RASSF5: variants seen among roughly 807,000 people sequenced by gnomAD.
The protein encoded by RASSF5 is ras association domain-containing protein 5.
RASSF5 carries 25 observed loss-of-function variants against 40.5 expected under a neutral mutation model. The observed-to-expected ratio is 0.62, with a 90% CI of 0.45 to 0.86. The LOEUF is 0.86. Among genes scored for constraint, RASSF5 ranks in the 40% least tolerant of loss-of-function variants. RASSF5 has a pLI of 0.00. For synonymous variants in RASSF5, 246 were observed against 252.4 expected, an observed-to-expected ratio of 0.97 and a Z score of 0.24; for missense variants, 521 against 572.8, an observed-to-expected ratio of 0.91 and a Z score of 0.92.
chr1:206,565,342 A>G (rs1229708109), intron 2 of RASSF5, among the ~76,000 whole-genome samples: 2 of 152,168 alleles, frequency 1.3e-5, no homozygotes, highest in Non-Finnish European at 2.9e-5. Context: ...CCTGCCTACA[A>G]CTGCCAAGGG....
intron 2 of RASSF5, chr1:206,557,619 G>A (rs1302629121): frequency 1.8e-5 from 29 of 1,614,248 alleles, no homozygotes; most frequent in Non-Finnish European, 2.4e-5. Context: ...CAGCCTGGAC[G>A]AGGAACTGGA....
At position 206,585,201 on chromosome 1, in the gene RASSF5, T is replaced by C; in HGVS notation, c.1010T>C (p.Ile337Thr). The change falls in exon 5 of 6, where the codon ATT becomes ACT. Residue 337 changes from isoleucine (I) to threonine (T), a missense_variant. Around this residue, in one of 2 missense-constraint regions of RASSF5, gnomAD observed 284 missense variants for 360.8 expected, o/e 0.79. Coordinates refer to ENST00000579436, the MANE Select transcript of RASSF5 (RefSeq NM_182663.4). ...DGQVLFQKLS[I>T]ADRPLYLRLL... ...GCAGTGCTCTTCCAGAAACTCTCCA[T>C]TGCTGACCGCCCCCTCTACCTGCGC... 6.2e-7 allele frequency: 1 copy of C among 1,614,072 alleles called. No homozygotes were observed. Among genetic ancestry groups the C allele is most frequent in the Non-Finnish European group, 8.5e-7 (1 of 1,179,954 alleles).
chr1:206,580,422 AGAG>A (rs1668824968), intron 2 of RASSF5, among the ~76,000 whole-genome samples: 1 of 152,240 alleles, frequency 6.6e-6, no homozygotes, highest in Non-Finnish European at 1.5e-5. Context: ...TACATGCGTC[AGAG>A]ACAGAGTGAG....
chr1:206,570,539 T>C (rs1281146427), intron 2 of RASSF5, among the ~76,000 whole-genome samples: 2 of 151,768 alleles, frequency 1.3e-5, no homozygotes. Context: ...CCCTACCAAT[T>C]AAACAGTAAC....
At chr1:206,557,814 G>A in intron 2 of RASSF5, 2 of 1,132,220 alleles carry the variant, frequency 1.8e-6, no homozygotes, top group Non-Finnish European at 2.6e-6. Flanking sequence ...AAGTGGCCAG[G>A]CAGTTGCCCT....
intron 1 of RASSF5, chr1:206,518,594 C>G (rs1666823986): frequency 2.5e-6 from 1 of 398,152 alleles, no homozygotes; most frequent in Non-Finnish European, 4.4e-6. Context: ...GAGGCCTCTG[C>G]TACTGGCTTC....
intron 1 of RASSF5, among the ~76,000 whole-genome samples, chr1:206,512,505 G>T (rs782027439): frequency 2.0e-5 from 3 of 152,180 alleles, no homozygotes; most frequent in African/African-American, 4.8e-5. Flanking sequence ...GGTAATGAAC[G>T]TGTGTGTTTG....
chr1:206,510,916 T>A (rs1439828621), intron 1 of RASSF5, among the ~76,000 whole-genome samples: 1 of 152,146 alleles, frequency 6.6e-6, no homozygotes. Context: ...GTGAGTGACA[T>A]CTGTCTGCCC....
chr1:206,538,487 A>G (rs946710582), intron 2 of RASSF5, among the ~76,000 whole-genome samples, 194 bp downstream of exon 2: 17 of 152,238 alleles, frequency 1.1e-4, no homozygotes, highest in Admixed American at 8.5e-4. Flanking sequence ...GAAGATACTC[A>G]GAAGTCCCCT....
chr1:206,526,216 C>T (rs782335329), intron 1 of RASSF5, among the ~76,000 whole-genome samples: 2 of 151,532 alleles, frequency 1.3e-5, no homozygotes, highest in Non-Finnish European at 2.9e-5. Flanking sequence ...GCAGGACACT[C>T]GTCTTACCAT....
chr1:206,510,161 G>T (rs1352829546), intron 1 of RASSF5, among the ~76,000 whole-genome samples: 1 of 152,274 alleles, frequency 6.6e-6, no homozygotes, highest in East Asian at 1.9e-4. Context: ...GGCCAAACTC[G>T]CTGAGCATCT....
At chr1:206,549,712 T>C (rs1667784048) in intron 2 of RASSF5, among the ~76,000 whole-genome samples, 2 of 152,222 alleles carry the variant, frequency 1.3e-5, no homozygotes, top group East Asian at 1.9e-4. Context: ...TTTGTCAGGA[T>C]TGGAATAGTC....
chr1:206,561,232 A>G (rs1212242047), intron 2 of RASSF5, among the ~76,000 whole-genome samples: 2 of 152,210 alleles, frequency 1.3e-5, no homozygotes, highest in African/African-American at 4.8e-5. Context: ...ACTAGGCCAC[A>G]CATCTGTTTG....
rs1262643514 is a variant in RASSF5 at position 206,558,246 on chromosome 1, CTT to C, written c.579+19955_579+19956del. ...GGCCTAGGCTGCTGTCATGCTACCACTTTAACTTCCTGGGTCGGTTTGGGTAA... is the reference window on the plus strand; with the variant it reads ...GGCCTAGGCTGCTGTCATGCTACCACTAACTTCCTGGGTCGGTTTGGGTAA... On this transcript the variant is annotated intron_variant, in intron 2 of 5. Coordinates refer to ENST00000579436, the MANE Select transcript of RASSF5 (RefSeq NM_182663.4). Among the ~76,000 whole-genome samples the C allele has an allele frequency of 2.0e-5, 3 of 152,190 alleles. No homozygotes were observed. In the East Asian group the frequency reaches 5.8e-4, roughly 29 times the overall value.
rs368124193 is a variant in RASSF5 at position 206,508,322 on chromosome 1, C to CCACACACACA, written c.457+287_457+296dup. Reference sequence around the variant, plus strand: ...CCTGACAGGTGCGTGCCTTGGCCCTCCACACACACACACACACACACACAC... The same window carrying CCACACACACA: ...CCTGACAGGTGCGTGCCTTGGCCCTCCACACACACACACACACACACACACACACACACAC... On this transcript the variant is annotated intron_variant, in intron 1 of 5. Transcript: ENST00000579436. 5.7e-3 allele frequency among the ~76,000 whole-genome samples: 837 copies of CCACACACACA among 146,610 alleles called. 7 individuals are homozygous for CCACACACACA. The highest frequency in any genetic ancestry group is 0.02 in the African/African-American group (797 of 39,900).
At chr1:206,516,852 A>G (rs1446035587) in intron 1 of RASSF5, among the ~76,000 whole-genome samples, 1 of 152,144 alleles carries the variant, frequency 6.6e-6, no homozygotes, top group Non-Finnish European at 1.5e-5. Context: ...GCCAGGCAGG[A>G]CTTCCTAGGC....
chr1:206,529,747 A>C, intron 1 of RASSF5: 2 of 510,182 alleles, frequency 3.9e-6, no homozygotes. Flanking sequence ...AATAATTAAA[A>C]TACTACAATT....
chr1:206,542,492 A>G (rs1192055871), intron 2 of RASSF5: 3 of 152,202 alleles, frequency 2.0e-5, no homozygotes, highest in African/African-American at 7.2e-5. Flanking sequence ...CAGCCTGAAG[A>G]ACCCCAAGCC....
At chr1:206,577,038 T>C (rs1017555549) in intron 2 of RASSF5, among the ~76,000 whole-genome samples, 8 of 151,558 alleles carry the variant, frequency 5.3e-5, no homozygotes, top group African/African-American at 1.7e-4. Flanking sequence ...CTCGAACTCC[T>C]GGGCTCAAGC....
Sources: allele counts gnomAD v4.1 joint callset (sites outside exome capture counted in the v4.1 genomes callset), GRCh38; gene constraint gnomAD v4.1.1; regional missense constraint gnomAD v4.1.1; transcripts MANE v1.5; gene names NCBI Gene and HGNC (gene_info 2026-07-23, HGNC 2026-07-21).